CPEB1: variants seen among roughly 807,000 people sequenced by gnomAD.
The protein encoded by CPEB1 is cytoplasmic polyadenylation element binding protein 1.
CPEB1 carries 7 observed loss-of-function variants against 65.8 expected under a neutral mutation model. That is an observed-to-expected ratio of 0.11 (90% CI 0.06 to 0.20). The LOEUF is 0.20. Ranked by LOEUF, CPEB1 falls within the 10% of genes least tolerant of loss-of-function variation. The pLI, the probability that CPEB1 is intolerant of heterozygous loss-of-function variation, is 1.00. For missense variants in CPEB1, 551 were observed against 712.2 expected, an observed-to-expected ratio of 0.77 and a Z score of 2.58; for synonymous variants, 262 against 260.0, an observed-to-expected ratio of 1.01 and a Z score of -0.08.
intron 3 of CPEB1, among the ~76,000 whole-genome samples, chr15:82,616,946 A>G (rs187889194): frequency 1.4e-3 from 214 of 152,334 alleles, no homozygotes; most frequent in African/African-American, 4.8e-3. Context: ...AACCATCACC[A>G]AAAGTCAAGG....
chr15:82,637,222 G>A (rs909004258), intron 1 of CPEB1, among the ~76,000 whole-genome samples: 5 of 152,146 alleles, frequency 3.3e-5, no homozygotes, highest in Non-Finnish European at 7.3e-5. Context: ...TTCTCCTGAG[G>A]AATAAAAGAA....
rs915936073 is a variant in CPEB1, at chr15:82,544,788, G to T, written c.1657-86C>A. 1.5e-5 allele frequency: 15 copies of T among 1,011,528 alleles called. No homozygotes were observed. In the African/African-American group the frequency reaches 2.4e-4, roughly 16 times the overall value. 62.7% of individuals were successfully genotyped at this position (1,011,528 alleles called of 1,614,324 possible). A position where few individuals can be genotyped will look rare whatever the true frequency, so the allele number is the denominator to read the frequency against. ...GTTGCACGAGCTGCTTGTTCTGTTT[G>T]GAGAAGGGTGGGAGACTCCCGATGG... On this transcript the variant is annotated intron_variant, in intron 12 of 12. Transcript: ENST00000684509.
Position 82,544,021 on chromosome 15 carries a change from A to T in CPEB1, c.*571T>A, listed in dbSNP as rs2034738275. 6.6e-6 allele frequency: 1 copy of T among 152,326 alleles called. No homozygotes were observed. The highest frequency in any genetic ancestry group is 1.5e-5 in the Non-Finnish European group (1 of 68,048). The allele number at this position is 152,326 out of a possible 1,614,324, so 9.4% of individuals were successfully genotyped here. A position where few individuals can be genotyped will look rare whatever the true frequency, so the allele number is the denominator to read the frequency against. ...CCTCGAGCGTAAAATATGAAATATG[A>T]TTTTGGTTTAAATGAAGAGCAAAGT... On this transcript the variant is annotated 3_prime_UTR_variant, in exon 13 of 13. Coordinates refer to ENST00000684509, the MANE Select transcript of CPEB1 (RefSeq NM_001365242.1).
intron 3 of CPEB1, among the ~76,000 whole-genome samples, chr15:82,577,289 G>A (rs114348642): frequency 0.013 from 1,947 of 152,166 alleles, 40 homozygotes; most frequent in African/African-American, 0.045. Context: ...GAACTCCTGG[G>A]CTCAAGGGAT....
chr15:82,555,395 C>A (rs1567173384), intron 6 of CPEB1, among the ~76,000 whole-genome samples: 1 of 152,198 alleles, frequency 6.6e-6, no homozygotes, highest in Non-Finnish European at 1.5e-5. Context: ...ATGGACCCCT[C>A]CTTCCCCAGT....
chr15:82,619,819 C>T (rs545677341), intron 3 of CPEB1, among the ~76,000 whole-genome samples: 46 of 152,226 alleles, frequency 3.0e-4, no homozygotes, highest in Middle Eastern at 3.4e-3. Context: ...CCATCGTACA[C>T]CACTGGAAGT....
chr15:82,545,439 C>G (rs1326841863), intron 12 of CPEB1, among the ~76,000 whole-genome samples: 2 of 152,194 alleles, frequency 1.3e-5, no homozygotes, highest in Non-Finnish European at 2.9e-5. Flanking sequence ...CATGGAAGGA[C>G]TGCTGCTGGT....
intron 2 of CPEB1, 36 bp from the exon 3 acceptor site, chr15:82,627,403 A>G: frequency 6.6e-7 from 1 of 1,523,468 alleles, no homozygotes; most frequent in Non-Finnish European, 8.9e-7. Context: ...TAGGTTTTCT[A>G]CACTCCTTTA....
At chr15:82,631,883 ATTTT>A (rs781133540) in intron 1 of CPEB1, among the ~76,000 whole-genome samples, 1 of 142,818 alleles carries the variant, frequency 7.0e-6, no homozygotes, top group African/African-American at 2.6e-5. Flanking sequence ...TCAGATTTGG[ATTTT>A]TTTTTTTTTG....
intron 12 of CPEB1, among the ~76,000 whole-genome samples, chr15:82,545,361 AC>A (rs2034994346): frequency 6.6e-6 from 1 of 152,074 alleles, no homozygotes; most frequent in Non-Finnish European, 1.5e-5. Context: ...ATATTCAGAG[AC>A]TCCAAATCTG....
At chr15:82,627,102 C>G (rs934545297) in intron 3 of CPEB1, 91 bp downstream of exon 3, 34 of 1,052,342 alleles carry the variant, frequency 3.2e-5, no homozygotes, top group Non-Finnish European at 4.3e-5. Context: ...TTGTTCTTCA[C>G]AAGCTTTCCA....
At chr15:82,591,160 C>T (rs560750104) in intron 3 of CPEB1, among the ~76,000 whole-genome samples, 99 of 152,270 alleles carry the variant, frequency 6.5e-4, no homozygotes, top group Non-Finnish European at 1.1e-3. Flanking sequence ...CCTTTTCCCC[C>T]CCGCCACAAT....
At chr15:82,571,257 G>C (rs1017729099) in intron 4 of CPEB1, 87 bp downstream of exon 4, 2 of 1,494,070 alleles carry the variant, frequency 1.3e-6, no homozygotes, top group Non-Finnish European at 1.8e-6. Flanking sequence ...GATGCAAAGG[G>C]GAACAGAACA....
At chr15:82,604,591 T>C (rs1463537462) in intron 3 of CPEB1, among the ~76,000 whole-genome samples, 1 of 150,866 alleles carries the variant, frequency 6.6e-6, no homozygotes, top group Non-Finnish European at 1.5e-5. Flanking sequence ...AGAAATTACA[T>C]ATAAAAAAGA....
chr15:82,582,131 A>G (rs1400067176), intron 3 of CPEB1, among the ~76,000 whole-genome samples: 5 of 152,240 alleles, frequency 3.3e-5, no homozygotes, highest in Admixed American at 1.3e-4. Flanking sequence ...AGACAGAAAT[A>G]GACAAAATTG....
intron 3 of CPEB1, among the ~76,000 whole-genome samples, chr15:82,583,001 A>C (rs1055789378): frequency 2.6e-5 from 4 of 151,950 alleles, no homozygotes; most frequent in African/African-American, 7.3e-5. Context: ...TCAGCCTCCC[A>C]AAGTGCTGTA....
At chr15:82,577,777 C>T (rs938133244) in intron 3 of CPEB1, among the ~76,000 whole-genome samples, 2 of 151,838 alleles carry the variant, frequency 1.3e-5, no homozygotes, top group Non-Finnish European at 2.9e-5. Context: ...CCTGCCCCAG[C>T]CTCACAAAGT....
At chr15:82,603,560 G>C (rs2043298519) in intron 3 of CPEB1, among the ~76,000 whole-genome samples, 1 of 149,080 alleles carries the variant, frequency 6.7e-6, no homozygotes, top group Non-Finnish European at 1.5e-5. Context: ...AAGGCCCTAA[G>C]CTCTCTCTCC....
chr15:82,602,257 A>G (rs2151197928), intron 3 of CPEB1, among the ~76,000 whole-genome samples: 1 of 152,348 alleles, frequency 6.6e-6, no homozygotes, highest in East Asian at 1.9e-4. Context: ...TTCCTCAGGG[A>G]CCAACAAGAC....
Sources: allele counts gnomAD v4.1 joint callset (sites outside exome capture counted in the v4.1 genomes callset), GRCh38; gene constraint gnomAD v4.1.1; transcripts MANE v1.5; gene names NCBI Gene and HGNC (gene_info 2026-07-23, HGNC 2026-07-21).